The following CD300LF variants were observed in gnomAD, a reference collection of about 807,000 sequenced individuals.
CD300LF encodes the protein CD300 molecule like family member f.
Under a neutral mutation model 32.2 loss-of-function variants are expected in CD300LF, and 27 were observed. The ratio of observed to expected loss-of-function variants is 0.84; its 90% confidence interval spans 0.62 to 1.15. The LOEUF is 1.15. Ranked by LOEUF, CD300LF falls within the 50% of genes most tolerant of loss-of-function variation. The pLI is 0.00. For synonymous variants in CD300LF, 139 were observed against 143.2 expected, an observed-to-expected ratio of 0.97 and a Z score of 0.21; for missense variants, 348 against 356.8, an observed-to-expected ratio of 0.98 and a Z score of 0.20.
chr17:74,698,248 G>A, intron 4 of CD300LF, 121 bp downstream of exon 4: 2 of 738,012 alleles, frequency 2.7e-6, no homozygotes, highest in Non-Finnish European at 4.5e-6. Context: ...GCTGCTGAGG[G>A]CCTTTGGGAC....
At chr17:74,707,098 C>A (rs1477194899) in intron 1 of CD300LF, among the ~76,000 whole-genome samples, 2 of 152,104 alleles carry the variant, frequency 1.3e-5, no homozygotes, top group Non-Finnish European at 2.9e-5. Context: ...GGAGAGGACG[C>A]CAAAAGCACA....
intron 3 of CD300LF, among the ~76,000 whole-genome samples, chr17:74,698,824 A>G (rs910031769): frequency 6.6e-6 from 1 of 152,212 alleles, no homozygotes; most frequent in African/African-American, 2.4e-5. Context: ...CGTGCAATTT[A>G]CCGATATAAC....
intron 2 of CD300LF, 153 bp downstream of exon 2, chr17:74,704,325 C>A: frequency 3.2e-6 from 2 of 630,742 alleles, no homozygotes; most frequent in Admixed American, 2.9e-5. Context: ...AGAGGCCCTG[C>A]TCCCCCAGTC....
chr17:74,708,732 C>T lies in CD300LF; in HGVS notation c.44-3916G>A, dbSNP rs190720983. 3.4e-3 allele frequency among the ~76,000 whole-genome samples: 509 copies of T among 151,810 alleles called. 2 individuals carry two copies. Among genetic ancestry groups the T allele is most frequent in the African/African-American group, 0.011 (460 of 41,380 alleles). The stretch of plus-strand genomic sequence containing the variant: ...GAGATCGAGACCATCCTGGCTAACA[C>T]GGTGAAACCCTGTCTCTACTAAAAA... On this transcript the variant is annotated intron_variant, in intron 1 of 6. Coordinates refer to ENST00000326165, the MANE Select transcript of CD300LF (RefSeq NM_139018.5).
chr17:74,703,201 C>A (rs1196306801), intron 2 of CD300LF, 103 bp from the exon 3 acceptor site: 9 of 1,410,202 alleles, frequency 6.4e-6, no homozygotes, highest in Non-Finnish European at 9.0e-6. Context: ...CATGAGCCCA[C>A]CCGCAGCCCT....
intron 1 of CD300LF, among the ~76,000 whole-genome samples, chr17:74,708,735 T>G (rs895465880): frequency 6.6e-6 from 1 of 151,894 alleles, no homozygotes; most frequent in African/African-American, 2.4e-5. Context: ...GCTAACACGG[T>G]GAAACCCTGT....
At chr17:74,704,415 G>A (rs1480345413) in intron 2 of CD300LF, 63 bp downstream of exon 2, 2 of 1,151,090 alleles carry the variant, frequency 1.7e-6, no homozygotes, top group East Asian at 4.7e-5. Context: ...ACTTGAGTAG[G>A]ACCTCAGAGA....
At position 74,695,646 on chromosome 17, in the gene CD300LF, GC is replaced by G. The variant is rs2032376649; in HGVS notation, c.717+78del. The G allele has an allele frequency of 5.0e-6, 8 of 1,597,590 alleles. No individual in the cohort carries two copies. The East Asian group carries it at 1.8e-4, about 36-fold the overall frequency. On this transcript the variant is annotated intron_variant, in intron 6 of 6. Coordinates refer to ENST00000326165, the MANE Select transcript of CD300LF (RefSeq NM_139018.5). ...TCTATGCCCACATGAGCAGGAGAAA[GC>G]CCACCCTCCAACGGGGTGCAACGGC... is the stretch of plus-strand genomic sequence containing the variant.
At chr17:74,711,899 C>T (rs1318930636) in intron 1 of CD300LF, among the ~76,000 whole-genome samples, 12 of 143,450 alleles carry the variant, frequency 8.4e-5, no homozygotes, top group Admixed American at 2.1e-4. Flanking sequence ...TTTCTTTTTT[C>T]TTTTTTCTTT....
chr17:74,699,049 G>A (rs1598219169), intron 3 of CD300LF, among the ~76,000 whole-genome samples: 1 of 151,986 alleles, frequency 6.6e-6, no homozygotes. Flanking sequence ...CTCCCAAGTA[G>A]CGGGGATTAC....
intron 2 of CD300LF, among the ~76,000 whole-genome samples, chr17:74,703,770 G>A (rs2033271010): frequency 6.6e-6 from 1 of 152,164 alleles, no homozygotes; most frequent in Admixed American, 6.5e-5. Flanking sequence ...GGGCCCTCGA[G>A]CCATCCTGCT....
At chr17:74,701,821 A>G (rs996841305) in intron 3 of CD300LF, among the ~76,000 whole-genome samples, 25 of 149,844 alleles carry the variant, frequency 1.7e-4, no homozygotes, top group African/African-American at 6.1e-4. Context: ...CTGCACTCCA[A>G]CCTGGGCAAC....
intron 1 of CD300LF, among the ~76,000 whole-genome samples, chr17:74,712,248 C>G (rs1300780898): frequency 6.6e-6 from 1 of 152,182 alleles, no homozygotes; most frequent in African/African-American, 2.4e-5. Context: ...TAAGGTGTCT[C>G]CTGCCCTCTG....
At chr17:74,703,625 T>C (rs1370388591) in intron 2 of CD300LF, among the ~76,000 whole-genome samples, 3 of 152,196 alleles carry the variant, frequency 2.0e-5, no homozygotes, top group African/African-American at 7.2e-5. Context: ...ATGATGGGGA[T>C]GCCCCCTTCT....
intron 1 of CD300LF, among the ~76,000 whole-genome samples, chr17:74,707,891 C>T (rs1399522742): frequency 9.2e-5 from 14 of 151,790 alleles, no homozygotes; most frequent in Non-Finnish European, 1.5e-4. Context: ...AAAAATTATA[C>T]AGGCCAGGCA....
chr17:74,699,970 G>A (rs895115353), intron 3 of CD300LF, among the ~76,000 whole-genome samples: 3 of 151,574 alleles, frequency 2.0e-5, no homozygotes, highest in South Asian at 2.1e-4. Context: ...GTGAAACTCC[G>A]TCTCTACCAA....
rs749983019 is a variant in CD300LF at position 74,698,359 on chromosome 17, G to A, written c.559+10C>T. ...CCAGTCTCAGCCCAGCCTCACCCAG[G>A]TCCTCTCACCTTTCTGCTGGTACTT... On this transcript the variant is annotated intron_variant, in intron 4 of 6. Coordinates refer to ENST00000326165, the MANE Select transcript of CD300LF (RefSeq NM_139018.5). 3 of 1,595,570 alleles carry A rather than the reference G, an allele frequency of 1.9e-6. No homozygotes were observed. In the South Asian group the frequency reaches 3.3e-5, roughly 18 times the overall value.
intron 3 of CD300LF, among the ~76,000 whole-genome samples, chr17:74,701,818 C>G (rs2033072813): frequency 6.7e-6 from 1 of 148,898 alleles, no homozygotes; most frequent in Non-Finnish European, 1.5e-5. Flanking sequence ...CTACTGCACT[C>G]CAACCTGGGC....
rs1453416401 is a variant in CD300LF at position 74,694,761 on chromosome 17, T to C, written c.*335A>G. ...CCCATAACATGTGGTAGGCAATAAATAAAGGTTCATTGTATTACGATAATG... is the reference window on the plus strand; with the variant it reads ...CCCATAACATGTGGTAGGCAATAAACAAAGGTTCATTGTATTACGATAATG... On this transcript the variant is annotated 3_prime_UTR_variant, in exon 7 of 7. Coordinates refer to ENST00000326165, the MANE Select transcript of CD300LF (RefSeq NM_139018.5). The C allele has an allele frequency of 3.0e-5, 6 of 202,584 alleles. No individual in the cohort carries two copies. The highest frequency in any genetic ancestry group is 5.9e-5 in the Non-Finnish European group (6 of 101,006). 12.5% of individuals were successfully genotyped at this position (202,584 alleles called of 1,614,324 possible). A position where few individuals can be genotyped will look rare whatever the true frequency, so the allele number is the denominator to read the frequency against.
Sources: gnomAD v4.1 joint callset for allele counts (sites outside exome capture counted in the v4.1 genomes callset) on GRCh38, gnomAD v4.1.1 for gene constraint, MANE v1.5 for transcripts, NCBI Gene and HGNC (gene_info 2026-07-23, HGNC 2026-07-21) for gene names.